CIROP: variants seen among roughly 807,000 people sequenced by gnomAD.
The protein encoded by CIROP is ciliated left-right organizer metallopeptidase, also known as leishmanolysin homolog.
At chr14:23,101,282 T>C in the CIROP span, 1,671 of 474,916 alleles carry the variant, frequency 3.5e-3, 5 homozygotes, top group Non-Finnish European at 4.7e-3. Context: ...ACTACTCTTA[T>C]GGTACCCACC....
the CIROP span, chr14:23,099,551 C>T: frequency 2.6e-6 from 1 of 380,432 alleles, no homozygotes; most frequent in Non-Finnish European, 4.7e-6. Flanking sequence ...GATAAAGCGG[C>T]ATTACCTTTT....
At chr14:23,103,498 G>A in the CIROP span, 1 of 566,764 alleles carries the variant, frequency 1.8e-6, no homozygotes, top group Non-Finnish European at 3.1e-6. Flanking sequence ...AGGCTGCGGT[G>A]AGCTGTGATT....
At chr14:23,104,825 C>T in the CIROP span, 1 of 702,584 alleles carries the variant, frequency 1.4e-6, no homozygotes, top group African/African-American at 1.8e-5. Context: ...TGAGAAGGCT[C>T]ACAGACTTCT....
At chr14:23,102,245 A>G in the CIROP span, 1 of 702,994 alleles carries the variant, frequency 1.4e-6, no homozygotes, top group African/African-American at 1.7e-5. Context: ...CTGGCCTCCC[A>G]GTGCGAGGAC....
the CIROP span, chr14:23,100,260 A>G: frequency 5.7e-6 from 2 of 350,156 alleles, no homozygotes; most frequent in East Asian, 8.9e-5. Flanking sequence ...GTCTCAAAAA[A>G]GAAGAAGAAA....
the CIROP span, chr14:23,101,928 A>G: frequency 1.4e-6 from 1 of 701,596 alleles, no homozygotes; most frequent in East Asian, 2.7e-5. Context: ...GACAGATGAG[A>G]AGGAAAGAGA....
chr14:23,102,119 C>T, the CIROP span: 9 of 702,906 alleles, frequency 1.3e-5, no homozygotes, highest in South Asian at 4.4e-5. Context: ...TCCTCTGCAG[C>T]GCTGTGGTTG....
the CIROP span, chr14:23,103,197 C>G: frequency 5.0e-5 from 21 of 422,882 alleles, 1 homozygote; most frequent in South Asian, 1.4e-3. Context: ...GTGGGGGTAG[C>G]CTTTACCCAA....
the CIROP span, chr14:23,102,103 A>C: frequency 2.8e-6 from 2 of 702,926 alleles, no homozygotes; most frequent in Non-Finnish European, 2.6e-6. Flanking sequence ...CTGGCCCCAC[A>C]ACAGCTCCTC....
chr14:23,101,820 C>T, the CIROP span: 1 of 702,702 alleles, frequency 1.4e-6, no homozygotes, highest in African/African-American at 1.7e-5. Context: ...CATACAGTCC[C>T]CTAACCACTC....
the CIROP span, among the ~76,000 whole-genome samples, chr14:23,104,040 T>G: frequency 3.0e-4 from 46 of 152,234 alleles, 1 homozygote; most frequent in Admixed American, 7.9e-4. Flanking sequence ...GTAACTCTGA[T>G]GGTGGTGGTC....
chr14:23,101,959 A>G, the CIROP span: 4 of 701,414 alleles, frequency 5.7e-6, 1 homozygote, highest in East Asian at 5.4e-5. Context: ...AATGAAGCCC[A>G]AACATCCTTC....
chr14:23,099,313 C>G, the CIROP span: 2 of 413,460 alleles, frequency 4.8e-6, no homozygotes, highest in Non-Finnish European at 4.4e-6. Context: ...AACTGGGACC[C>G]TTGTGCTGTG....
chr14:23,103,766 G>A, the CIROP span: 10 of 702,864 alleles, frequency 1.4e-5, no homozygotes, highest in Admixed American at 1.6e-4. Flanking sequence ...GACCAGTTGT[G>A]GGGGACCCTG....
At chr14:23,101,077 T>C in the CIROP span, 1 of 400,286 alleles carries the variant, frequency 2.5e-6, no homozygotes, top group African/African-American at 2.1e-5. Flanking sequence ...AGTACCCAGG[T>C]ATCTGCAAGG....
At chr14:23,100,289 T>A in the CIROP span, 1 of 393,166 alleles carries the variant, frequency 2.5e-6, no homozygotes. Context: ...GGGAGGGGAC[T>A]AAGATCCCTA....
chr14:23,102,583 CT>C, the CIROP span: 91 of 702,612 alleles, frequency 1.3e-4, no homozygotes, highest in Non-Finnish European at 3.4e-5. Flanking sequence ...AGTGAATTTC[CT>C]CTGGTTGATG....
At chr14:23,100,247 C>T in the CIROP span, 10 of 321,920 alleles carry the variant, frequency 3.1e-5, no homozygotes, top group Admixed American at 1.0e-4. Flanking sequence ...AGAGCGAGAC[C>T]CTGTCTCAAA....
chr14:23,104,886 GGCAGCAGCA>G, the CIROP span: 26 of 453,998 alleles, frequency 5.7e-5, no homozygotes, highest in African/African-American at 1.8e-4. Flanking sequence ...GACTAGTGGC[GGCAGCAGCA>G]GCAGCAGCAG....
Sources: gnomAD v4.1 joint callset for allele counts (sites outside exome capture counted in the v4.1 genomes callset) on GRCh38, gnomAD v4.1.1 for gene constraint, MANE v1.5 for transcripts, NCBI Gene and HGNC (gene_info 2026-07-23, HGNC 2026-07-21) for gene names.